The following MTMR8 variants were observed in gnomAD, a reference collection of about 807,000 sequenced individuals.
MTMR8 encodes myotubularin related protein 8.
A neutral mutation model predicts 39.3 loss-of-function variants in MTMR8; 65 were observed. The ratio of observed to expected loss-of-function variants is 1.65; its 90% CI spans 1.35 to 2.03. The LOEUF is 2.03. Ranked by LOEUF, MTMR8 falls within the 30% of genes most tolerant of loss-of-function variation. MTMR8 has a pLI of 0.00. For missense variants in MTMR8, 777 were observed against 538.9 expected, an observed-to-expected ratio of 1.44 and a Z score of -4.37; for synonymous variants, 245 against 185.2, an observed-to-expected ratio of 1.32 and a Z score of -2.62.
chrX:64,353,582 C>A (rs1207560090), intron 4 of MTMR8, among the ~76,000 whole-genome samples: 1 of 111,468 alleles, frequency 9.0e-6, no homozygotes, highest in Non-Finnish European at 1.9e-5. Context: ...ATCAAAAAGG[C>A]AATAATGGAT....
chrX:64,358,890 C>G (rs1233542329), intron 2 of MTMR8, among the ~76,000 whole-genome samples: 1 of 101,957 alleles, frequency 9.8e-6, no homozygotes, highest in East Asian at 2.9e-4. Context: ...TATATATATA[C>G]CCAGGTAAAA....
chrX:64,380,810 G>A (rs1171896173), intron 1 of MTMR8, among the ~76,000 whole-genome samples: 2 of 111,004 alleles, frequency 1.8e-5, no homozygotes, highest in African/African-American at 6.6e-5. Context: ...TGTTCTCATT[G>A]TTCAATTCCC....
At chrX:64,374,404 G>A (rs532399968) in intron 1 of MTMR8, among the ~76,000 whole-genome samples, 85 of 111,906 alleles carry the variant, frequency 7.6e-4, no homozygotes, top group African/African-American at 2.7e-3. Flanking sequence ...GATCCCTCCC[G>A]ACAACCATCC....
intron 12 of MTMR8, among the ~76,000 whole-genome samples, chrX:64,316,103 C>T (rs1040726284): frequency 1.7e-4 from 19 of 111,415 alleles, no homozygotes; most frequent in African/African-American, 5.2e-4. Flanking sequence ...TATCAGATAG[C>T]GTTATAATTT....
intron 12 of MTMR8, among the ~76,000 whole-genome samples, chrX:64,308,121 T>C (rs1363545736): frequency 9.0e-6 from 1 of 110,578 alleles, no homozygotes; most frequent in Non-Finnish European, 1.9e-5. Context: ...CTGCACATTG[T>C]GCACATGTGC....
At chrX:64,288,904 A>T (rs1338624675) in intron 12 of MTMR8, among the ~76,000 whole-genome samples, 1 of 110,407 alleles carries the variant, frequency 9.1e-6, no homozygotes, top group African/African-American at 3.3e-5. Context: ...GCATTAGGAG[A>T]TATATCTAAT....
chrX:64,282,266 C>A (rs990357773), intron 12 of MTMR8, among the ~76,000 whole-genome samples: 2 of 111,162 alleles, frequency 1.8e-5, no homozygotes, highest in South Asian at 3.8e-4. Flanking sequence ...AAGATATAAG[C>A]ACACATATGT....
intron 12 of MTMR8, among the ~76,000 whole-genome samples, chrX:64,317,762 G>T (rs768140420): frequency 8.9e-6 from 1 of 112,128 alleles, no homozygotes; most frequent in South Asian, 3.7e-4. Context: ...TGCTGTTTTA[G>T]CAGGCTTACT....
At chrX:64,351,334 TA>T (rs1923482557) in intron 4 of MTMR8, among the ~76,000 whole-genome samples, 1 of 111,240 alleles carries the variant, frequency 9.0e-6, no homozygotes, top group Non-Finnish European at 1.9e-5. Context: ...AAAGCTATGT[TA>T]CCAGAAAGTC....
chrX:64,284,333 C>G (rs993218844), intron 12 of MTMR8, among the ~76,000 whole-genome samples: 1 of 111,513 alleles, frequency 9.0e-6, no homozygotes, highest in African/African-American at 3.3e-5. Flanking sequence ...GTGAAAAGAC[C>G]AAATCTATGT....
At chrX:64,272,338 A>T (rs183349965) in intron 12 of MTMR8, among the ~76,000 whole-genome samples, 1 of 111,784 alleles carries the variant, frequency 8.9e-6, no homozygotes, top group Non-Finnish European at 1.9e-5. Flanking sequence ...GAGACAGAAA[A>T]TGTAAAAGAA....
At chrX:64,283,001 C>G (rs1921013401) in intron 12 of MTMR8, among the ~76,000 whole-genome samples, 1 of 111,640 alleles carries the variant, frequency 9.0e-6, no homozygotes, top group African/African-American at 3.3e-5. Context: ...GTGCAGCCCA[C>G]CGACTGAGCT....
chrX:64,313,294 G>T (rs1432047719), intron 12 of MTMR8, among the ~76,000 whole-genome samples: 5 of 112,366 alleles, frequency 4.4e-5, no homozygotes, highest in Non-Finnish European at 9.4e-5. Flanking sequence ...AGTACTTGTT[G>T]CTTCACCTTG....
chrX:64,314,048 C>A (rs907946215), intron 12 of MTMR8, among the ~76,000 whole-genome samples: 1 of 112,348 alleles, frequency 8.9e-6, no homozygotes, highest in East Asian at 2.8e-4. Context: ...GGAGGCCAAG[C>A]CTCAGCTCAG....
chrX:64,288,750 C>T (rs1187531428), intron 12 of MTMR8, among the ~76,000 whole-genome samples: 5 of 110,711 alleles, frequency 4.5e-5, no homozygotes. Context: ...CCATCATTCT[C>T]AGCAAACTAT....
intron 12 of MTMR8, among the ~76,000 whole-genome samples, chrX:64,271,798 G>C (rs1437408521): frequency 1.8e-5 from 2 of 112,132 alleles, no homozygotes; most frequent in Non-Finnish European, 3.8e-5. Context: ...AGAAGAAAGT[G>C]GCAGTTTCAA....
chrX:64,359,318 A>G, intron 2 of MTMR8, 87 bp downstream of exon 2: 2 of 950,498 alleles, frequency 2.1e-6, no homozygotes, highest in Non-Finnish European at 2.8e-6. Flanking sequence ...TTTAAAAATT[A>G]CACTTGAAAT....
intron 1 of MTMR8, among the ~76,000 whole-genome samples, chrX:64,372,964 C>A (rs375846685): frequency 1.8e-5 from 2 of 111,560 alleles, no homozygotes; most frequent in South Asian, 3.7e-4. Flanking sequence ...CCAATCAATC[C>A]ACAGACCCCA....
At chrX:64,283,181 G>A (rs984869876) in intron 12 of MTMR8, among the ~76,000 whole-genome samples, 6 of 112,093 alleles carry the variant, frequency 5.4e-5, no homozygotes, top group Admixed American at 9.4e-5. Context: ...GATTATATCC[G>A]GCACCTGGCT....
Sources: gnomAD v4.1 joint callset for allele counts (sites outside exome capture counted in the v4.1 genomes callset) on GRCh38, gnomAD v4.1.1 for gene constraint, MANE v1.5 for transcripts, NCBI Gene and HGNC (gene_info 2026-07-23, HGNC 2026-07-21) for gene names.